PTPRD: variants seen among roughly 807,000 people sequenced by gnomAD.
PTPRD encodes receptor-type tyrosine-protein phosphatase delta.
In PTPRD, 34 loss-of-function variants were observed where a neutral mutation model predicts 214.5. The ratio of observed to expected loss-of-function variants is 0.16; its 90% confidence interval spans 0.12 to 0.21. The LOEUF is 0.21. PTPRD is among the 10% of genes least tolerant of loss of function. PTPRD has a pLI of 1.00. For synonymous variants in PTPRD, 1,128 were observed against 845.7 expected, an observed-to-expected ratio of 1.33 and a Z score of -5.79; for missense variants, 2,545 against 2,398.7, an observed-to-expected ratio of 1.06 and a Z score of -1.27.
intron 12 of PTPRD, among the ~76,000 whole-genome samples, chr9:8,676,053 C>A (rs1042859916): frequency 6.6e-6 from 1 of 152,192 alleles, no homozygotes; most frequent in African/African-American, 2.4e-5. Flanking sequence ...GCCTTTCATA[C>A]AAACCTATAC....
At chr9:9,616,210 A>C (rs182831573) in intron 7 of PTPRD, among the ~76,000 whole-genome samples, 20 of 152,290 alleles carry the variant, frequency 1.3e-4, no homozygotes, top group Admixed American at 1.2e-3. Context: ...TTTCAAATGA[A>C]ATGATGATTT....
chr9:9,520,265 T>TTA lies in PTPRD; in HGVS notation c.-237+54465_-237+54466dup, dbSNP rs981716414. Among the ~76,000 whole-genome samples the TTA allele has an allele frequency of 2.0e-3, 286 of 142,350 alleles. 2 individuals carry two copies. Among genetic ancestry groups the TTA allele is most frequent in the African/African-American group, 5.7e-3 (216 of 37,624 alleles). The allele number at this position is 142,350 out of a possible 152,430, so 93.4% of individuals were successfully genotyped here. On this transcript the variant is annotated intron_variant, in intron 8 of 45. Transcript: ENST00000381196. ...AAATGTAAAAATAGACTCCTAAAAG[T>TTA]TATATATATATATATATTAAGTTAT... is the stretch of plus-strand genomic sequence containing the variant.
In PTPRD at chr9:10,265,573, G is replaced by A. The variant is rs560392433; in HGVS notation, c.-545+75390C>T. On this transcript the variant is annotated intron_variant, in intron 3 of 45. Transcript: ENST00000381196. ...GATAGTAAACATTTTAAGCTCTGTG[G>A]GCCATGTGGTCTCTATCACAACTAC... Among the ~76,000 whole-genome samples, 7 of 152,230 alleles carry A rather than the reference G, an allele frequency of 4.6e-5. No homozygotes were observed. In the South Asian group the frequency reaches 1.5e-3, roughly 32 times the overall value.
intron 11 of PTPRD, among the ~76,000 whole-genome samples, chr9:8,734,848 A>G (rs928111799): frequency 3.3e-5 from 5 of 152,224 alleles, no homozygotes; most frequent in African/African-American, 1.2e-4. Context: ...TAGGATCAAG[A>G]CTGACATCAT....
At chr9:9,054,609 C>G (rs1306798622) in intron 10 of PTPRD, among the ~76,000 whole-genome samples, 1 of 152,102 alleles carries the variant, frequency 6.6e-6, no homozygotes, top group East Asian at 1.9e-4. Flanking sequence ...TTCTCTTATG[C>G]CCTGTTACTC....
At chr9:10,367,273 T>G (rs2097534289) in intron 2 of PTPRD, among the ~76,000 whole-genome samples, 1 of 152,156 alleles carries the variant, frequency 6.6e-6, no homozygotes, top group African/African-American at 2.4e-5. Context: ...CTGTCTTTCT[T>G]ACCTAAAGGG....
At chr9:8,514,144 G>C (rs2097737427) in intron 21 of PTPRD, among the ~76,000 whole-genome samples, 1 of 152,034 alleles carries the variant, frequency 6.6e-6, no homozygotes, top group Non-Finnish European at 1.5e-5. Flanking sequence ...ATGATTCAAT[G>C]TCATATTCTG....
intron 33 of PTPRD, among the ~76,000 whole-genome samples, chr9:8,453,570 G>C (rs765000752): frequency 3.3e-5 from 5 of 152,206 alleles, no homozygotes; most frequent in Non-Finnish European, 7.3e-5. Context: ...ATGGATACTA[G>C]AGATGTCCAC....
At chr9:10,161,737 C>G (rs1192680508) in intron 3 of PTPRD, among the ~76,000 whole-genome samples, 1 of 151,582 alleles carries the variant, frequency 6.6e-6, no homozygotes, top group African/African-American at 2.4e-5. Flanking sequence ...AAAAAGGAAA[C>G]AGTCAATAAA....
chr9:9,469,237 C>T (rs1216771559), intron 8 of PTPRD, among the ~76,000 whole-genome samples: 2 of 151,908 alleles, frequency 1.3e-5, no homozygotes, highest in East Asian at 1.9e-4. Context: ...AATTCATGTG[C>T]TTTTTACTTT....
At chr9:9,660,041 T>A (rs1413739733) in intron 7 of PTPRD, among the ~76,000 whole-genome samples, 2 of 152,088 alleles carry the variant, frequency 1.3e-5, no homozygotes, top group Non-Finnish European at 2.9e-5. Flanking sequence ...TATTTATTTT[T>A]AACATACTTT....
chr9:9,039,907 C>A (rs941716636), intron 10 of PTPRD, among the ~76,000 whole-genome samples: 7 of 150,868 alleles, frequency 4.6e-5, no homozygotes, highest in Non-Finnish European at 1.0e-4. Flanking sequence ...TGGTGCCTAC[C>A]CCCAATGTAT....
Position 8,400,015 on chromosome 9 carries a change from C to G in PTPRD, c.4210+4522G>C, listed in dbSNP as rs12345739. ...GTAATAGATAACCAGATAATCATAT[C>G]TATTATAATGTCTTGTCTTTGTTGT... On this transcript the variant is annotated intron_variant, in intron 36 of 45. Transcript: ENST00000381196. Among the ~76,000 whole-genome samples, 1,336 of 150,648 alleles carry G rather than the reference C, an allele frequency of 8.9e-3. 24 individuals are homozygous for G. Among genetic ancestry groups the G allele is most frequent in the African/African-American group, 0.031 (1,269 of 40,790 alleles).
At chr9:10,132,883 T>A (rs1187995731) in intron 3 of PTPRD, among the ~76,000 whole-genome samples, 3 of 152,170 alleles carry the variant, frequency 2.0e-5, no homozygotes, top group African/African-American at 7.2e-5. Flanking sequence ...TATGCCCTTA[T>A]GCAATCCCCT....
At chr9:9,924,188 A>T (rs1368241761) in intron 5 of PTPRD, among the ~76,000 whole-genome samples, 2 of 152,008 alleles carry the variant, frequency 1.3e-5, no homozygotes, top group Non-Finnish European at 1.5e-5. Context: ...TAATTGGTGC[A>T]CCTGTCCTAA....
chr9:10,425,657 G>A (rs1432634419), intron 2 of PTPRD, among the ~76,000 whole-genome samples: 1 of 151,830 alleles, frequency 6.6e-6, no homozygotes, highest in South Asian at 2.1e-4. Flanking sequence ...TTGTTTTTTA[G>A]TCTGTTGAGA....
intron 12 of PTPRD, among the ~76,000 whole-genome samples, chr9:8,643,953 G>GTGGGA (rs2096632566): frequency 6.6e-6 from 1 of 152,188 alleles, no homozygotes; most frequent in Non-Finnish European, 1.5e-5. Context: ...TGGGCTGTCA[G>GTGGGA]CCCCACAGAC....
intron 4 of PTPRD, among the ~76,000 whole-genome samples, chr9:10,030,676 G>A (rs546258981): frequency 2.6e-5 from 4 of 152,276 alleles, no homozygotes; most frequent in African/African-American, 7.2e-5. Flanking sequence ...TGGATTCCAC[G>A]TGGAGAATCT....
intron 44 of PTPRD, among the ~76,000 whole-genome samples, chr9:8,330,747 ATATTTGTCC>A (rs1839607953): frequency 6.6e-6 from 1 of 152,108 alleles, no homozygotes; most frequent in Non-Finnish European, 1.5e-5. Context: ...CCCAAGTCTA[ATATTTGTCC>A]TATTTTGAGA....
Sources: gnomAD v4.1 joint callset for allele counts (sites outside exome capture counted in the v4.1 genomes callset) on GRCh38, gnomAD v4.1.1 for gene constraint, MANE v1.5 for transcripts, NCBI Gene and HGNC (gene_info 2026-07-23, HGNC 2026-07-21) for gene names.